SMPD3: variants seen among roughly 807,000 people sequenced by gnomAD.
SMPD3 encodes nSMase-2.
A neutral mutation model predicts 55.7 loss-of-function variants in SMPD3; 21 were observed. The observed-to-expected ratio is 0.38, with a 90% CI of 0.27 to 0.54. SMPD3 has a LOEUF of 0.54. Among genes scored for constraint, SMPD3 ranks in the 20% least tolerant of loss-of-function variants. The pLI is 0.80. For missense variants in SMPD3, 842 were observed against 899.6 expected (o/e 0.94, Z 0.82); for synonymous variants, 457 against 404.3 (o/e 1.13, Z -1.56).
chr16:68,364,198 G>T (rs1192337315), intron 5 of SMPD3, among the ~76,000 whole-genome samples: 6 of 152,368 alleles, frequency 3.9e-5, no homozygotes, highest in African/African-American at 1.2e-4. Flanking sequence ...GTTATTTACA[G>T]CAAGTGTTTG....
intron 1 of SMPD3, among the ~76,000 whole-genome samples, chr16:68,392,271 T>C (rs1003846281): frequency 4.6e-5 from 7 of 152,236 alleles, no homozygotes; most frequent in African/African-American, 1.7e-4. Flanking sequence ...CCTTTTCTTT[T>C]TATTATTTTA....
intron 7 of SMPD3, 79 bp downstream of exon 7, chr16:68,363,417 C>T (rs2089374644): frequency 1.3e-6 from 2 of 1,512,308 alleles, no homozygotes; most frequent in Admixed American, 1.7e-5. Context: ...CTGAGCTCTC[C>T]CATGTGGGTC....
intron 3 of SMPD3, among the ~76,000 whole-genome samples, chr16:68,366,501 G>T (rs1005598447): frequency 1.3e-5 from 2 of 152,226 alleles, no homozygotes; most frequent in Non-Finnish European, 2.9e-5. Context: ...CCCCCGAATG[G>T]CTCTGTGAGA....
At chr16:68,443,534 T>G (rs1342600620) in intron 1 of SMPD3, among the ~76,000 whole-genome samples, 1 of 152,188 alleles carries the variant, frequency 6.6e-6, no homozygotes, top group Non-Finnish European at 1.5e-5. Flanking sequence ...CGAAAAACAA[T>G]GACAACACTT....
At chr16:68,361,424 C>T (rs2089258820) in intron 8 of SMPD3, 117 bp from the exon 9 acceptor site, 4 of 1,374,996 alleles carry the variant, frequency 2.9e-6, no homozygotes, top group South Asian at 1.3e-5. Flanking sequence ...TGGGACCTTC[C>T]TGCAGTCAGA....
intron 1 of SMPD3, among the ~76,000 whole-genome samples, chr16:68,417,801 GA>G (rs2152022382): frequency 6.6e-6 from 1 of 152,290 alleles, no homozygotes; most frequent in Admixed American, 6.5e-5. Context: ...ACCCTGCGTG[GA>G]ATGAAGTAGG....
At chr16:68,373,895 A>G (rs921131136) in intron 2 of SMPD3, among the ~76,000 whole-genome samples, 13 of 151,782 alleles carry the variant, frequency 8.6e-5, no homozygotes, top group African/African-American at 2.9e-4. Flanking sequence ...GCCATTCCCC[A>G]TCCTCTGCCC....
chr16:68,428,519 G>A (rs969609960), intron 1 of SMPD3, among the ~76,000 whole-genome samples: 11 of 152,226 alleles, frequency 7.2e-5, no homozygotes, highest in Admixed American at 2.0e-4. Flanking sequence ...TTTCAAAGGG[G>A]AGGGTGGGTT....
At chr16:68,370,701 C>A (rs569111497) in intron 3 of SMPD3, among the ~76,000 whole-genome samples, 158 bp downstream of exon 3, 1 of 152,176 alleles carries the variant, frequency 6.6e-6, no homozygotes, top group Non-Finnish European at 1.5e-5. Context: ...CGAGCCAGGG[C>A]CCTGCTGTTT....
chr16:68,373,322 A>C (rs953413812), intron 2 of SMPD3, among the ~76,000 whole-genome samples: 1 of 152,246 alleles, frequency 6.6e-6, no homozygotes, highest in East Asian at 1.9e-4. Flanking sequence ...TGCCAGGTGC[A>C]TCTATTGTGC....
In SMPD3 at chr16:68,372,404, A is replaced by C; in HGVS notation, c.-206-17T>G. The C allele has an allele frequency of 1.7e-6, 1 of 604,366 alleles. No individual in the cohort carries two copies. The highest frequency in any genetic ancestry group is 3.0e-5 in the Admixed American group (1 of 33,552). The allele number at this position is 604,366 out of a possible 1,614,324, so 37.4% of individuals were successfully genotyped here. A position where few individuals can be genotyped will look rare whatever the true frequency, so the allele number is the denominator to read the frequency against. ...CTGCAGACCCTGCAGAGACAAAAGTAGGGGGACTGTTTTTAGTGATCTTCA... is the reference window on the plus strand; with the variant it reads ...CTGCAGACCCTGCAGAGACAAAAGTCGGGGGACTGTTTTTAGTGATCTTCA... On this transcript the variant is annotated splice_polypyrimidine_tract_variant and intron_variant, in intron 2 of 8. Transcript: ENST00000219334.
intron 2 of SMPD3, among the ~76,000 whole-genome samples, chr16:68,373,875 G>A (rs952168667): frequency 4.6e-5 from 7 of 152,096 alleles, no homozygotes; most frequent in African/African-American, 1.7e-4. Flanking sequence ...CTTGTGTCCC[G>A]TCCCTGCCTG....
chr16:68,378,220 A>G (rs1447234180), intron 2 of SMPD3, among the ~76,000 whole-genome samples: 2 of 152,216 alleles, frequency 1.3e-5, no homozygotes, highest in East Asian at 3.9e-4. Context: ...AGGTGCCTGC[A>G]TCCGCCTGTG....
chr16:68,398,404 G>C (rs1393518210), intron 1 of SMPD3, among the ~76,000 whole-genome samples: 1 of 152,178 alleles, frequency 6.6e-6, no homozygotes, highest in Non-Finnish European at 1.5e-5. Context: ...CAGAAAGCTG[G>C]TGCCGAATCC....
At chr16:68,445,157 C>G (rs1480919477) in intron 1 of SMPD3, among the ~76,000 whole-genome samples, 1 of 152,208 alleles carries the variant, frequency 6.6e-6, no homozygotes, top group Non-Finnish European at 1.5e-5. Flanking sequence ...CTCCAGAAGC[C>G]TTCATTTTCT....
rs1228045530 is a variant in SMPD3 at position 68,448,461 on chromosome 16, GGCGGCTCTC to G, written c.-386_-378del. On this transcript the variant is annotated 5_prime_UTR_variant, in exon 1 of 9. Transcript: ENST00000219334. The stretch of plus-strand genomic sequence containing the variant: ...CAGATCTGGCGGCGGCCGCAGCGGC[GGCGGCTCTC>G]GCGGCTCTCGGGTCCGGAGCCTCCC... The G allele has an allele frequency of 6.6e-6, 1 of 152,266 alleles. No individual in the cohort carries two copies. Among genetic ancestry groups the G allele is most frequent in the Non-Finnish European group, 1.5e-5 (1 of 68,138 alleles). The allele number at this position is 152,266 out of a possible 1,614,324, so 9.4% of individuals were successfully genotyped here.
At chr16:68,419,869 C>T (rs2152023676) in intron 1 of SMPD3, among the ~76,000 whole-genome samples, 1 of 152,322 alleles carries the variant, frequency 6.6e-6, no homozygotes, top group East Asian at 1.9e-4. Flanking sequence ...CCAGCTCCAC[C>T]TATCACTAAT....
intron 1 of SMPD3, among the ~76,000 whole-genome samples, chr16:68,437,477 C>G (rs2090532106): frequency 1.3e-5 from 2 of 152,244 alleles, no homozygotes; most frequent in South Asian, 4.1e-4. Context: ...TGTTTATAAT[C>G]ACTAAGGTCT....
intron 2 of SMPD3, among the ~76,000 whole-genome samples, chr16:68,375,446 T>G (rs2089787393): frequency 6.6e-6 from 1 of 152,208 alleles, no homozygotes; most frequent in African/African-American, 2.4e-5. Flanking sequence ...CTGGCTGCTA[T>G]TCCACAGTGT....
Sources: gnomAD v4.1 joint callset for allele counts (sites outside exome capture counted in the v4.1 genomes callset) on GRCh38, gnomAD v4.1.1 for gene constraint, MANE v1.5 for transcripts, NCBI Gene and HGNC (gene_info 2026-07-23, HGNC 2026-07-21) for gene names.